PCDH9: variants seen among roughly 807,000 people sequenced by gnomAD.
The protein encoded by PCDH9 is protocadherin 9, also known as protocadherin-9.
A neutral mutation model predicts 70.6 loss-of-function variants in PCDH9; 24 were observed. The ratio of observed to expected loss-of-function variants is 0.34; its 90% CI spans 0.25 to 0.48. The LOEUF (loss-of-function observed/expected upper bound fraction) is 0.48, where lower values mean the gene tolerates loss of function less well. Among genes scored for constraint, PCDH9 ranks in the 20% least tolerant of loss-of-function variants. The pLI, the probability that PCDH9 is intolerant of heterozygous loss-of-function variation, is 0.99. For synonymous variants in PCDH9, 562 were observed against 558.5 expected (o/e 1.01, Z -0.09); for missense variants, 1,281 against 1,503.6 (o/e 0.85, Z 2.45).
intron 2 of PCDH9, chr13:67,210,966 T>C (rs1284289922): frequency 2.6e-5 from 4 of 152,016 alleles, no homozygotes; most frequent in Admixed American, 6.6e-5. Context: ...AATTGGTTAC[T>C]ACAGACAGAG....
At chr13:66,723,194 C>T (rs1467394474) in intron 3 of PCDH9, among the ~76,000 whole-genome samples, 2 of 151,744 alleles carry the variant, frequency 1.3e-5, no homozygotes, top group Non-Finnish European at 2.9e-5. Flanking sequence ...TCTTTATTTG[C>T]CCTATATTAT....
intron 2 of PCDH9, among the ~76,000 whole-genome samples, chr13:67,089,885 C>G (rs577830064): frequency 1.0e-3 from 156 of 152,030 alleles, no homozygotes; most frequent in African/African-American, 3.8e-3. Context: ...GTCAGCGTTT[C>G]CTGTACATGT....
intron 2 of PCDH9, among the ~76,000 whole-genome samples, chr13:67,169,929 C>A (rs372485013): frequency 6.6e-6 from 1 of 152,294 alleles, no homozygotes; most frequent in East Asian, 1.9e-4. Flanking sequence ...ATACATCCAG[C>A]TCCTCAAATC....
At chr13:67,028,158 T>G (rs1443133794) in intron 2 of PCDH9, among the ~76,000 whole-genome samples, 6 of 148,334 alleles carry the variant, frequency 4.0e-5, no homozygotes, top group Non-Finnish European at 7.4e-5. Flanking sequence ...AGCAAAGACT[T>G]GGAAACAACC....
intron 3 of PCDH9, among the ~76,000 whole-genome samples, chr13:66,693,553 G>A (rs141792725): frequency 6.6e-6 from 1 of 152,258 alleles, no homozygotes; most frequent in Non-Finnish European, 1.5e-5. Context: ...ATGCCAGGAT[G>A]TTTGCTGAGA....
At chr13:66,892,604 A>C (rs1377115852) in intron 3 of PCDH9, among the ~76,000 whole-genome samples, 1 of 152,040 alleles carries the variant, frequency 6.6e-6, no homozygotes, top group Non-Finnish European at 1.5e-5. Context: ...GGAAAAAAGT[A>C]AGATATCATA....
chr13:66,774,357 A>G (rs2139281485), intron 3 of PCDH9, among the ~76,000 whole-genome samples: 1 of 152,258 alleles, frequency 6.6e-6, no homozygotes. Context: ...CTGTGTTGAG[A>G]GGAAGAAAGC....
chr13:66,546,820 G>A (rs9540802), intron 4 of PCDH9, among the ~76,000 whole-genome samples: 39,389 of 151,986 alleles, frequency 0.26, 5,333 homozygotes, highest in South Asian at 0.34. Context: ...TTTTTACTGT[G>A]TCTTTCCTAT....
At chr13:67,193,978 G>A (rs866928197) in intron 2 of PCDH9, among the ~76,000 whole-genome samples, 2 of 152,018 alleles carry the variant, frequency 1.3e-5, no homozygotes, top group Non-Finnish European at 2.9e-5. Context: ...TGTAACTTTC[G>A]AATTGCATAC....
chr13:67,112,639 C>T (rs2086679289), intron 2 of PCDH9, among the ~76,000 whole-genome samples: 1 of 152,014 alleles, frequency 6.6e-6, no homozygotes, highest in African/African-American at 2.4e-5. Flanking sequence ...TCCTTTCTCT[C>T]TTTCTCTCTC....
At chr13:66,516,433 A>C (rs1488280273) in intron 4 of PCDH9, among the ~76,000 whole-genome samples, 5 of 152,082 alleles carry the variant, frequency 3.3e-5, no homozygotes, top group Non-Finnish European at 7.4e-5. Flanking sequence ...TAAGCCTTTG[A>C]TATCTGCACT....
At chr13:66,519,683 G>T (rs1313364796) in intron 4 of PCDH9, among the ~76,000 whole-genome samples, 3 of 152,084 alleles carry the variant, frequency 2.0e-5, no homozygotes, top group African/African-American at 7.2e-5. Context: ...CCTGCAAGAG[G>T]TTATGATCCT....
At chr13:66,437,432 G>GAAAAC (rs1957893239) in intron 4 of PCDH9, among the ~76,000 whole-genome samples, 1 of 94,906 alleles carries the variant, frequency 1.1e-5, no homozygotes, top group South Asian at 3.5e-4. Context: ...AAAAAGGAGA[G>GAAAAC]AAAACAAAGG....
intron 3 of PCDH9, among the ~76,000 whole-genome samples, chr13:66,806,526 T>A (rs1594085211): frequency 6.6e-6 from 1 of 152,140 alleles, no homozygotes; most frequent in Non-Finnish European, 1.5e-5. Context: ...ATTGTTGTTA[T>A]GGAAGCAAAG....
intron 3 of PCDH9, among the ~76,000 whole-genome samples, chr13:66,865,506 CA>C (rs1275427962): frequency 6.6e-6 from 1 of 152,132 alleles, no homozygotes; most frequent in Non-Finnish European, 1.5e-5. Context: ...TGATCCTTTT[CA>C]GCTTTTCTTT....
chr13:67,062,348 T>C (rs2085555440), intron 2 of PCDH9, among the ~76,000 whole-genome samples: 1 of 152,206 alleles, frequency 6.6e-6, no homozygotes, highest in Non-Finnish European at 1.5e-5. Context: ...GGCACAAGCA[T>C]GCTTTGGAGT....
At chr13:66,680,404 AAC>A (rs2078302552) in intron 3 of PCDH9, among the ~76,000 whole-genome samples, 1 of 151,998 alleles carries the variant, frequency 6.6e-6, no homozygotes, top group Non-Finnish European at 1.5e-5. Flanking sequence ...TGTGATATTT[AAC>A]ACAGAGTTTA....
At chr13:67,018,135 T>A (rs986086974) in intron 2 of PCDH9, among the ~76,000 whole-genome samples, 10 of 152,142 alleles carry the variant, frequency 6.6e-5, no homozygotes, top group African/African-American at 2.4e-4. Flanking sequence ...CTAAAATGAG[T>A]CTCAAATTCA....
intron 4 of PCDH9, among the ~76,000 whole-genome samples, chr13:66,417,339 C>T (rs994188913): frequency 6.6e-6 from 1 of 152,118 alleles, no homozygotes; most frequent in African/African-American, 2.4e-5. Flanking sequence ...CATCGATGTC[C>T]CTGCAAAGGA....
Sources: gnomAD v4.1 joint callset for allele counts (sites outside exome capture counted in the v4.1 genomes callset) on GRCh38, gnomAD v4.1.1 for gene constraint, MANE v1.5 for transcripts, NCBI Gene and HGNC (gene_info 2026-07-23, HGNC 2026-07-21) for gene names.